Variants in PPP2R2B observed in about 807,000 individuals in gnomAD.
The protein encoded by PPP2R2B is protein phosphatase 2 regulatory subunit Bbeta.
PPP2R2B carries 5 observed loss-of-function variants against 46.0 expected under a neutral mutation model. The ratio of observed to expected loss-of-function variants is 0.11; its 90% CI spans 0.06 to 0.23. The LOEUF is 0.23. PPP2R2B is among the 10% of genes least tolerant of loss of function. The pLI, the probability that PPP2R2B is intolerant of heterozygous loss-of-function variation, is 1.00. For synonymous variants in PPP2R2B, 215 were observed against 206.7 expected (o/e 1.04, Z -0.34); for missense variants, 367 against 575.0 (o/e 0.64, Z 3.70).
At chr5:146,718,350 T>C (rs1279943820) in intron 2 of PPP2R2B, among the ~76,000 whole-genome samples, 1 of 151,836 alleles carries the variant, frequency 6.6e-6, no homozygotes, top group East Asian at 1.9e-4. Flanking sequence ...ATCGCACCAC[T>C]GTACTACAGC....
Position 146,794,229 on chromosome 5 carries a change from G to C in PPP2R2B, c.70+83773C>G, listed in dbSNP as rs183819912. Reference sequence around the variant, plus strand: ...TTGATACTCTTTATGAAGGTCTTCAGTCTTCTTTTGTCAATCATAATCAAT... The same window carrying C: ...TTGATACTCTTTATGAAGGTCTTCACTCTTCTTTTGTCAATCATAATCAAT... On this transcript the variant is annotated intron_variant, in intron 2 of 9. Coordinates refer to ENST00000394411, the MANE Select transcript of PPP2R2B (RefSeq NM_181675.4). 2.2e-4 allele frequency among the ~76,000 whole-genome samples: 33 copies of C among 152,262 alleles called. No individual in the cohort carries two copies. In the East Asian group the frequency reaches 6.2e-3, roughly 28 times the overall value.
intron 2 of PPP2R2B, among the ~76,000 whole-genome samples, chr5:146,765,773 T>C (rs1754439573): frequency 6.6e-6 from 1 of 152,190 alleles, no homozygotes; most frequent in South Asian, 2.1e-4. Context: ...GTAAACTTAA[T>C]ATCATAGGAG....
intron 1 of PPP2R2B, among the ~76,000 whole-genome samples, chr5:146,901,068 T>C (rs187943285): frequency 1.3e-5 from 2 of 152,310 alleles, no homozygotes; most frequent in Admixed American, 6.5e-5. Flanking sequence ...GTCTTTGCTA[T>C]TGTGAATAGC....
intron 2 of PPP2R2B, among the ~76,000 whole-genome samples, chr5:146,816,963 C>A (rs1757965623): frequency 6.6e-6 from 1 of 152,208 alleles, no homozygotes; most frequent in South Asian, 2.1e-4. Flanking sequence ...ACAACATATA[C>A]CTTTTCTTGG....
At chr5:146,773,301 A>C (rs965312427) in intron 2 of PPP2R2B, among the ~76,000 whole-genome samples, 2 of 152,196 alleles carry the variant, frequency 1.3e-5, no homozygotes, top group Non-Finnish European at 2.9e-5. Context: ...TTCCATGATT[A>C]ATATGTCTGA....
chr5:147,044,789 G>C (rs910984508), intron 1 of PPP2R2B, among the ~76,000 whole-genome samples: 4 of 152,268 alleles, frequency 2.6e-5, no homozygotes, highest in African/African-American at 9.6e-5. Context: ...ATATGCAGCA[G>C]AGCATATGCA....
At chr5:146,616,617 T>C (rs1013633429) in intron 7 of PPP2R2B, among the ~76,000 whole-genome samples, 1 of 152,112 alleles carries the variant, frequency 6.6e-6, no homozygotes, top group East Asian at 1.9e-4. Context: ...CAGATAGGCA[T>C]ACAAAAAAGA....
At chr5:147,063,771 T>C (rs1355581837) in intron 2 of PPP2R2B, among the ~76,000 whole-genome samples, 2 of 152,184 alleles carry the variant, frequency 1.3e-5, no homozygotes, top group African/African-American at 4.8e-5. Context: ...ATATTTCTTC[T>C]TGGACAGATG....
chr5:146,588,802 T>G lies in PPP2R2B; in HGVS notation c.*1145A>C, dbSNP rs955797780. Reference sequence around the variant, plus strand: ...AGAAGAGAGCCTTCTGGTCTGTTTTTCCAGATGGCGAGCTTGGGGTGAGTT... The same window carrying G: ...AGAAGAGAGCCTTCTGGTCTGTTTTGCCAGATGGCGAGCTTGGGGTGAGTT... On this transcript the variant is annotated 3_prime_UTR_variant, in exon 10 of 10. Coordinates refer to ENST00000394411, the MANE Select transcript of PPP2R2B (RefSeq NM_181675.4). 2 of 152,224 alleles carry G rather than the reference T, an allele frequency of 1.3e-5. No individual in the cohort carries two copies. Among genetic ancestry groups the G allele is most frequent in the African/African-American group, 4.8e-5 (2 of 41,452 alleles). 9.4% of individuals were successfully genotyped at this position (152,224 alleles called of 1,614,324 possible).
chr5:146,881,254 A>T (rs1363989622), upstream of PPP2R2B, among the ~76,000 whole-genome samples: 1 of 151,796 alleles, frequency 6.6e-6, no homozygotes, highest in Non-Finnish European at 1.5e-5. Context: ...TGCTTCGTTG[A>T]GGCATTCCCT....
chr5:146,635,280 T>G (rs910064421), intron 7 of PPP2R2B, among the ~76,000 whole-genome samples: 1 of 152,156 alleles, frequency 6.6e-6, no homozygotes, highest in South Asian at 2.1e-4. Context: ...GTTTTTTTTT[T>G]TTTTAACTTT....
At chr5:146,923,764 T>G (rs1763689293) in intron 1 of PPP2R2B, among the ~76,000 whole-genome samples, 2 of 152,150 alleles carry the variant, frequency 1.3e-5, no homozygotes, top group Non-Finnish European at 2.9e-5. Context: ...AAAAGACACA[T>G]GCACACATAT....
chr5:146,736,550 T>G (rs1289052689), intron 2 of PPP2R2B, among the ~76,000 whole-genome samples: 9 of 152,210 alleles, frequency 5.9e-5, no homozygotes, highest in Admixed American at 5.2e-4. Flanking sequence ...CCATCTGCTT[T>G]AACATGCCTC....
At chr5:146,828,400 T>G (rs1561939570) in intron 2 of PPP2R2B, among the ~76,000 whole-genome samples, 1 of 152,216 alleles carries the variant, frequency 6.6e-6, no homozygotes, top group African/African-American at 2.4e-5. Flanking sequence ...GAATCAGGGC[T>G]GGTGCATTGC....
chr5:146,691,075 C>A, intron 5 of PPP2R2B, 53 bp downstream of exon 5: 1 of 1,535,560 alleles, frequency 6.5e-7, no homozygotes. Flanking sequence ...ACATGGCCAA[C>A]CTTAGGAGAC....
chr5:146,833,596 G>A (rs1759089195), intron 2 of PPP2R2B, among the ~76,000 whole-genome samples: 1 of 152,154 alleles, frequency 6.6e-6, no homozygotes, highest in Non-Finnish European at 1.5e-5. Flanking sequence ...CTCACCTACT[G>A]TGGGAATGAC....
At chr5:146,750,493 G>T (rs751575880) in intron 2 of PPP2R2B, among the ~76,000 whole-genome samples, 1 of 152,142 alleles carries the variant, frequency 6.6e-6, no homozygotes, top group African/African-American at 2.4e-5. Flanking sequence ...AAAAGAGGCC[G>T]CATGTATCAG....
At chr5:146,755,533 G>C (rs1024492122) in intron 2 of PPP2R2B, among the ~76,000 whole-genome samples, 10 of 152,040 alleles carry the variant, frequency 6.6e-5, no homozygotes, top group African/African-American at 2.4e-4. Context: ...TATTAAAGCA[G>C]GTCAAAGAGA....
chr5:146,911,005 T>C (rs1362179711), intron 1 of PPP2R2B, among the ~76,000 whole-genome samples: 1 of 152,290 alleles, frequency 6.6e-6, no homozygotes, highest in Non-Finnish European at 1.5e-5. Context: ...CCTTTTCATA[T>C]AGTTAACTCT....
Sources: allele counts gnomAD v4.1 joint callset (sites outside exome capture counted in the v4.1 genomes callset), GRCh38; gene constraint gnomAD v4.1.1; transcripts MANE v1.5; gene names NCBI Gene and HGNC (gene_info 2026-07-23, HGNC 2026-07-21).